TGFBR3: variants seen among roughly 807,000 people sequenced by gnomAD.
TGFBR3 encodes transforming growth factor beta receptor 3.
In TGFBR3, 46 loss-of-function variants were observed where a neutral mutation model predicts 87.9. That is an observed-to-expected ratio of 0.52 (90% CI 0.41 to 0.67). The LOEUF is 0.67. Ranked by LOEUF, TGFBR3 falls within the 30% of genes least tolerant of loss-of-function variation. The pLI, the probability that TGFBR3 is intolerant of heterozygous loss-of-function variation, is 0.00. For synonymous variants in TGFBR3, 381 were observed against 391.6 expected, an observed-to-expected ratio of 0.97 and a Z score of 0.32; for missense variants, 866 against 1,041.9, an observed-to-expected ratio of 0.83 and a Z score of 2.32.
At chr1:91,792,372 C>G (rs955891948) in intron 3 of TGFBR3, among the ~76,000 whole-genome samples, 2 of 152,164 alleles carry the variant, frequency 1.3e-5, no homozygotes, top group Non-Finnish European at 2.9e-5. Context: ...GGTAATGGAG[C>G]CTCCTGATCC....
At chr1:91,852,164 G>A (rs545545256) in intron 2 of TGFBR3, among the ~76,000 whole-genome samples, 1 of 152,204 alleles carries the variant, frequency 6.6e-6, no homozygotes, top group African/African-American at 2.4e-5. Flanking sequence ...TGGGAGGATC[G>A]TTTGAGCCCA....
intron 3 of TGFBR3, among the ~76,000 whole-genome samples, chr1:91,764,580 CG>C (rs986669976): frequency 2.7e-4 from 41 of 152,018 alleles, no homozygotes; most frequent in African/African-American, 9.7e-4. Context: ...CCCCCGGCTG[CG>C]GAGAAGAGAG....
At chr1:91,810,958 C>A (rs189633750) in intron 2 of TGFBR3, among the ~76,000 whole-genome samples, 1 of 152,158 alleles carries the variant, frequency 6.6e-6, no homozygotes, top group Non-Finnish European at 1.5e-5. Flanking sequence ...CCTAGCTCTG[C>A]GCTTTCTAGC....
intron 14 of TGFBR3, among the ~76,000 whole-genome samples, chr1:91,707,065 G>T (rs757808722): frequency 3.5e-4 from 54 of 152,332 alleles, no homozygotes; most frequent in South Asian, 1.2e-3. Flanking sequence ...ATGAATTAAA[G>T]ATTATTTTGC....
chr1:91,828,527 T>C (rs1461402662), intron 2 of TGFBR3, among the ~76,000 whole-genome samples: 1 of 152,176 alleles, frequency 6.6e-6, no homozygotes, highest in African/African-American at 2.4e-5. Context: ...CCAGTTCAGT[T>C]TATCAACAGG....
intron 4 of TGFBR3, among the ~76,000 whole-genome samples, chr1:91,746,603 A>G (rs1673356536): frequency 6.6e-6 from 1 of 152,188 alleles, no homozygotes; most frequent in Admixed American, 6.5e-5. Flanking sequence ...AGAACCCCAC[A>G]GGAGGGAAGA....
chr1:91,764,812 T>C (rs576364159), intron 3 of TGFBR3, among the ~76,000 whole-genome samples: 19 of 152,296 alleles, frequency 1.2e-4, no homozygotes, highest in Non-Finnish European at 2.5e-4. Flanking sequence ...GTGCTCCGGA[T>C]GGACTTGTGG....
At chr1:91,803,736 G>A (rs921322151) in intron 2 of TGFBR3, among the ~76,000 whole-genome samples, 4 of 151,844 alleles carry the variant, frequency 2.6e-5, no homozygotes, top group Non-Finnish European at 4.4e-5. Context: ...ATTCCCCACC[G>A]TTTCTGTTCC....
At chr1:91,849,939 G>A (rs758008950) in intron 2 of TGFBR3, among the ~76,000 whole-genome samples, 23 of 151,860 alleles carry the variant, frequency 1.5e-4, no homozygotes, top group African/African-American at 4.4e-4. Flanking sequence ...AAAATTAGCC[G>A]GGCATGGTGG....
At chr1:91,812,911 G>A (rs937028695) in intron 2 of TGFBR3, among the ~76,000 whole-genome samples, 5 of 152,106 alleles carry the variant, frequency 3.3e-5, no homozygotes, top group African/African-American at 1.2e-4. Context: ...ACCGTGCCTG[G>A]CTGCTTTATA....
rs147867884 is a variant in TGFBR3 at position 91,806,822 on chromosome 1, G to C, written c.62-9351C>G. On this transcript the variant is annotated intron_variant, in intron 2 of 16. Coordinates refer to ENST00000212355, the MANE Select transcript of TGFBR3 (RefSeq NM_003243.5). Reference sequence around the variant, plus strand: ...TCTGAAATGCTGTCAGCTGCAAAGAGGGACAAACTCCCACAGATTGTGGGA... The same window carrying C: ...TCTGAAATGCTGTCAGCTGCAAAGACGGACAAACTCCCACAGATTGTGGGA... Among the ~76,000 whole-genome samples, 1,194 of 152,260 alleles carry C rather than the reference G, an allele frequency of 7.8e-3. 16 individuals carry two copies. The highest frequency in any genetic ancestry group is 0.027 in the African/African-American group (1,123 of 41,534).
chr1:91,701,924 T>C (rs1671632737), intron 14 of TGFBR3, among the ~76,000 whole-genome samples: 2 of 152,214 alleles, frequency 1.3e-5, no homozygotes, highest in Admixed American at 1.3e-4. Context: ...ATATTTATGA[T>C]ATTCATTGCA....
At chr1:91,792,771 T>C (rs1209327615) in intron 3 of TGFBR3, among the ~76,000 whole-genome samples, 2 of 152,192 alleles carry the variant, frequency 1.3e-5, no homozygotes, top group Non-Finnish European at 2.9e-5. Context: ...CAGAGGGTAC[T>C]AGGAGCTGGT....
chr1:91,872,760 CAG>C (rs1282537203), intron 1 of TGFBR3, among the ~76,000 whole-genome samples: 5 of 152,116 alleles, frequency 3.3e-5, no homozygotes, highest in African/African-American at 1.2e-4. Context: ...AAACCACAGG[CAG>C]AGAGAAACCG....
intron 2 of TGFBR3, among the ~76,000 whole-genome samples, chr1:91,832,981 C>T (rs1257951996): frequency 6.9e-6 from 1 of 145,638 alleles, no homozygotes. Flanking sequence ...ACACTCCACC[C>T]TGGGCCACAG....
intron 14 of TGFBR3, among the ~76,000 whole-genome samples, chr1:91,707,725 G>A (rs1046982964): frequency 7.2e-5 from 11 of 152,132 alleles, no homozygotes; most frequent in Admixed American, 5.9e-4. Flanking sequence ...CACTCTCCCA[G>A]CCTTCTCTCA....
chr1:91,865,422 G>A (rs1413472597), intron 1 of TGFBR3, among the ~76,000 whole-genome samples: 1 of 151,562 alleles, frequency 6.6e-6, no homozygotes, highest in Non-Finnish European at 1.5e-5. Flanking sequence ...TGCACATTGT[G>A]CACATGTACC....
At chr1:91,833,948 C>T (rs1469435756) in intron 2 of TGFBR3, among the ~76,000 whole-genome samples, 1 of 152,140 alleles carries the variant, frequency 6.6e-6, no homozygotes, top group Non-Finnish European at 1.5e-5. Context: ...ATCATCTGCT[C>T]AGAATTCTCA....
chr1:91,763,107 A>G (rs1273126880), intron 3 of TGFBR3, among the ~76,000 whole-genome samples: 1 of 152,236 alleles, frequency 6.6e-6, no homozygotes, highest in Non-Finnish European at 1.5e-5. Context: ...ATGAAAATGA[A>G]TTACAGGAAG....
Sources: allele counts gnomAD v4.1 joint callset (sites outside exome capture counted in the v4.1 genomes callset), GRCh38; gene constraint gnomAD v4.1.1; transcripts MANE v1.5; gene names NCBI Gene and HGNC (gene_info 2026-07-23, HGNC 2026-07-21).